Variants in C2CD3 observed in about 807,000 individuals in gnomAD.
C2CD3 encodes C2 domain containing 3 centriole elongation regulator, also known as C2 domain-containing protein 3.
C2CD3 carries 148 observed loss-of-function variants against 234.0 expected under a neutral mutation model. That is an observed-to-expected ratio of 0.63 (90% CI 0.55 to 0.72). The LOEUF is 0.72. Among genes scored for constraint, C2CD3 ranks in the 30% least tolerant of loss-of-function variants. The probability of loss-of-function intolerance (pLI) is 0.00; values close to 1 mark genes in which losing one functional copy is unlikely to be tolerated. For missense variants in C2CD3, 2,577 were observed against 2,811.5 expected (o/e 0.92, Z 1.89); for synonymous variants, 1,000 against 1,035.4 (o/e 0.97, Z 0.66).
Position 74,028,282 on chromosome 11 carries a change from C to T in C2CD3, c.6921+5G>A. 6.5e-7 allele frequency: 1 copy of T among 1,532,024 alleles called. No homozygotes were observed. The highest frequency in any genetic ancestry group is 1.2e-5 in the South Asian group (1 of 83,912). 94.9% of individuals were successfully genotyped at this position (1,532,024 alleles called of 1,614,324 possible). On this transcript the variant is annotated splice_donor_5th_base_variant and intron_variant, in intron 32 of 32. Coordinates refer to ENST00000334126, the MANE Select transcript of C2CD3 (RefSeq NM_001286577.2). ...AGAAGAAAGGTCAGTTGGCCATTCT[C>T]TTACCTGATCTGTTGTGGCTGCTGG...
chr11:74,045,647 C>T (rs1438129422), intron 28 of C2CD3, among the ~76,000 whole-genome samples: 1 of 151,922 alleles, frequency 6.6e-6, no homozygotes, highest in Non-Finnish European at 1.5e-5. Flanking sequence ...ACATGGCTCA[C>T]TGTAGCCTCG....
chr11:74,116,843 C>CACATATAT (rs1340037858), intron 9 of C2CD3, among the ~76,000 whole-genome samples: 1 of 138,456 alleles, frequency 7.2e-6, no homozygotes, highest in South Asian at 2.2e-4. Flanking sequence ...TGTATATATA[C>CACATATAT]ACGTGTATAT....
chr11:74,088,170 G>T (rs999817096), intron 20 of C2CD3, among the ~76,000 whole-genome samples: 5 of 152,168 alleles, frequency 3.3e-5, no homozygotes, highest in Admixed American at 1.3e-4. Context: ...ACAAGTGGAA[G>T]TAATCATAAA....
intron 28 of C2CD3, among the ~76,000 whole-genome samples, chr11:74,044,804 G>A (rs1953277734): frequency 1.3e-5 from 2 of 151,538 alleles, no homozygotes; most frequent in Non-Finnish European, 2.9e-5. Context: ...GAGAACATGT[G>A]GTATTTGGTT....
At chr11:74,014,184 T>C (rs1284165071) in intron 32 of C2CD3, among the ~76,000 whole-genome samples, 25 of 152,198 alleles carry the variant, frequency 1.6e-4, no homozygotes, top group Admixed American at 1.6e-3. Flanking sequence ...TCTTACTCCA[T>C]GTCAGGCTCC....
intron 3 of C2CD3, among the ~76,000 whole-genome samples, chr11:74,156,861 C>T (rs926478865): frequency 3.3e-5 from 5 of 152,204 alleles, no homozygotes; most frequent in Admixed American, 1.3e-4. Flanking sequence ...GTCCCAGCTA[C>T]GCTGGAGGCT....
At chr11:74,086,380 G>A (rs1305814431) in intron 20 of C2CD3, among the ~76,000 whole-genome samples, 1 of 152,214 alleles carries the variant, frequency 6.6e-6, no homozygotes, top group African/African-American at 2.4e-5. Flanking sequence ...GGGAATACTA[G>A]AGTAAAGCTA....
At chr11:74,094,844 T>G (rs12574047) in intron 17 of C2CD3, among the ~76,000 whole-genome samples, 34,335 of 152,042 alleles carry the variant, frequency 0.23, 4,192 homozygotes, top group East Asian at 0.3. Context: ...GGTTCAGTAT[T>G]CCTTAATTCA....
chr11:74,109,713 A>G (rs1331659708), intron 11 of C2CD3, among the ~76,000 whole-genome samples: 1 of 152,170 alleles, frequency 6.6e-6, no homozygotes, highest in African/African-American at 2.4e-5. Context: ...CTATAAGTGT[A>G]AGTGGATAAA....
chr11:74,059,991 G>A (rs1171155798), intron 24 of C2CD3, among the ~76,000 whole-genome samples: 1 of 152,196 alleles, frequency 6.6e-6, no homozygotes, highest in Non-Finnish European at 1.5e-5. Context: ...GGCTTGGAGG[G>A]TCCCACGCCC....
intron 29 of C2CD3, among the ~76,000 whole-genome samples, chr11:74,039,188 T>C (rs1344945355): frequency 1.3e-5 from 2 of 152,200 alleles, no homozygotes; most frequent in African/African-American, 2.4e-5. Context: ...GCAAATCTAC[T>C]GGTCTTGTTA....
At chr11:74,028,231 T>C in intron 32 of C2CD3, 56 bp downstream of exon 32, 1 of 1,279,004 alleles carries the variant, frequency 7.8e-7, no homozygotes, top group Non-Finnish European at 1.1e-6. Context: ...CTGTGCACAC[T>C]TCTGTGGAAG....
intron 7 of C2CD3, chr11:74,128,585 T>A (rs1454579055): frequency 5.9e-5 from 9 of 152,366 alleles, no homozygotes; most frequent in Admixed American, 2.0e-4. Flanking sequence ...CTTGGGTGTT[T>A]CTCGCAGAGG....
chr11:74,084,994 A>C (rs899906506), intron 21 of C2CD3, 24 bp from the exon 22 acceptor site: 2 of 1,390,816 alleles, frequency 1.4e-6, no homozygotes, highest in Non-Finnish European at 2.0e-6. Context: ...CAAAAAAGAA[A>C]AATTATTTGA....
intron 28 of C2CD3, among the ~76,000 whole-genome samples, chr11:74,047,684 C>T (rs921661127): frequency 6.6e-6 from 1 of 152,178 alleles, no homozygotes; most frequent in Non-Finnish European, 1.5e-5. Flanking sequence ...ATAGGAAAGA[C>T]TCTGGTGTAG....
At chr11:74,139,039 A>G in intron 4 of C2CD3, 72 bp from the exon 5 acceptor site, 1 of 1,345,448 alleles carries the variant, frequency 7.4e-7, no homozygotes, top group East Asian at 2.3e-5. Flanking sequence ...TGTCAGAGAC[A>G]GAAAGTAGAC....
intron 23 of C2CD3, among the ~76,000 whole-genome samples, chr11:74,074,811 G>A (rs1198012472): frequency 2.6e-5 from 4 of 152,226 alleles, no homozygotes; most frequent in Non-Finnish European, 5.9e-5. Flanking sequence ...AGTAGGCTGA[G>A]TGTGGTGGCT....
Position 74,109,089 on chromosome 11 carries a change from C to T in C2CD3, c.1907G>A (p.Trp636Ter). The T allele has an allele frequency of 6.2e-7, 1 of 1,603,184 alleles. No homozygotes were observed. Among genetic ancestry groups the T allele is most frequent in the Non-Finnish European group, 8.5e-7 (1 of 1,175,808 alleles). The stretch of plus-strand genomic sequence containing the variant: ...TTGGAAAGTGAGGTTGGAATTCCAC[C>T]AGTGCTCTATCATTGGGCCACCAAA... ...VQFGGPMIEHWWNSNLTFQIY... is the reference protein window; with the variant it reads ...VQFGGPMIEH The change falls in exon 12 of 33, where the codon TGG (tryptophan) becomes TAG (stop). Residue 636 changes from tryptophan (W) to a stop codon, truncating the protein, a stop_gained. Transcript: ENST00000334126. LOFTEE classifies it high-confidence loss of function.
At position 74,161,567 on chromosome 11, in the gene C2CD3, A is replaced by C; in HGVS notation, c.326-11T>G. On this transcript the variant is annotated splice_polypyrimidine_tract_variant and intron_variant, in intron 2 of 32. Transcript: ENST00000334126. Reference sequence around the variant, plus strand: ...CCAGCACAGCCATATCTAACCAGAAACAATTACAACATGGATATTTTTCAT... The same window carrying C: ...CCAGCACAGCCATATCTAACCAGAACCAATTACAACATGGATATTTTTCAT... 6.5e-7 allele frequency: 1 copy of C among 1,528,094 alleles called. No individual in the cohort carries two copies. Among genetic ancestry groups the C allele is most frequent in the Non-Finnish European group, 8.8e-7 (1 of 1,136,836 alleles). 94.7% of individuals were successfully genotyped at this position (1,528,094 alleles called of 1,614,324 possible). A position where few individuals can be genotyped will look rare whatever the true frequency, so the allele number is the denominator to read the frequency against.
Sources: gnomAD v4.1 joint callset for allele counts (sites outside exome capture counted in the v4.1 genomes callset) on GRCh38, gnomAD v4.1.1 for gene constraint, MANE v1.5 for transcripts, NCBI Gene and HGNC (gene_info 2026-07-23, HGNC 2026-07-21) for gene names.